SMYD3: variants seen among roughly 807,000 people sequenced by gnomAD.
SMYD3 encodes histone-lysine N-methyltransferase SMYD3.
SMYD3 carries 36 observed loss-of-function variants against 57.7 expected under a neutral mutation model. The ratio of observed to expected loss-of-function variants is 0.62; its 90% CI spans 0.48 to 0.82. SMYD3 has a LOEUF of 0.82. SMYD3 is among the 40% of genes least tolerant of loss of function. The pLI, the probability that SMYD3 is intolerant of heterozygous loss-of-function variation, is 0.00. For missense variants in SMYD3, 515 were observed against 538.8 expected, an observed-to-expected ratio of 0.96 and a Z score of 0.44; for synonymous variants, 211 against 195.0, an observed-to-expected ratio of 1.08 and a Z score of -0.68.
At chr1:245,920,085 GGTA>G (rs1558494678) in intron 7 of SMYD3, among the ~76,000 whole-genome samples, 5 of 152,074 alleles carry the variant, frequency 3.3e-5, no homozygotes, top group East Asian at 1.9e-4. Context: ...AGGCCAAGGC[GGTA>G]GGATCACGAG....
intron 7 of SMYD3, among the ~76,000 whole-genome samples, chr1:245,916,897 G>A (rs968123626): frequency 1.3e-5 from 2 of 152,154 alleles, no homozygotes; most frequent in African/African-American, 4.8e-5. Flanking sequence ...TATGGTCCCC[G>A]CATTGGTGCC....
intron 5 of SMYD3, among the ~76,000 whole-genome samples, chr1:246,297,265 T>C (rs183744974): frequency 1.3e-5 from 2 of 152,302 alleles, no homozygotes. Flanking sequence ...CAGAGGTATC[T>C]TCAAAGTCAT....
intron 10 of SMYD3, among the ~76,000 whole-genome samples, chr1:245,842,740 G>T (rs113602595): frequency 1.3e-3 from 196 of 152,126 alleles, no homozygotes; most frequent in African/African-American, 4.6e-3. Flanking sequence ...ATGGGGTCTT[G>T]TTCTGTTGCC....
chr1:246,232,390 A>G (rs904418579), intron 5 of SMYD3, among the ~76,000 whole-genome samples: 2 of 152,070 alleles, frequency 1.3e-5, no homozygotes, highest in African/African-American at 2.4e-5. Flanking sequence ...GGTGGGAAAC[A>G]GTGGCTGCTC....
At chr1:245,871,216 A>C (rs1306266410) in intron 8 of SMYD3, among the ~76,000 whole-genome samples, 1 of 152,238 alleles carries the variant, frequency 6.6e-6, no homozygotes, top group Non-Finnish European at 1.5e-5. Flanking sequence ...TCTTGAAATT[A>C]AAAATTCTGA....
At chr1:246,185,293 A>T (rs942048356) in intron 5 of SMYD3, among the ~76,000 whole-genome samples, 1 of 151,778 alleles carries the variant, frequency 6.6e-6, no homozygotes, top group Admixed American at 6.6e-5. Context: ...GCTGGAGTGC[A>T]GTGGCGCGAT....
chr1:246,276,759 C>G (rs1184887025), intron 5 of SMYD3, among the ~76,000 whole-genome samples: 3 of 129,180 alleles, frequency 2.3e-5, no homozygotes, highest in Non-Finnish European at 5.0e-5. Flanking sequence ...TGAATACTAA[C>G]TCTGTTTTTT....
chr1:246,311,771 A>C (rs2065084333), intron 5 of SMYD3, among the ~76,000 whole-genome samples: 2 of 152,268 alleles, frequency 1.3e-5, no homozygotes, highest in African/African-American at 4.8e-5. Flanking sequence ...ATTGGTTCAA[A>C]AATACCCAGC....
chr1:245,993,626 A>C (rs2058858050), intron 5 of SMYD3, among the ~76,000 whole-genome samples: 1 of 138,660 alleles, frequency 7.2e-6, no homozygotes. Flanking sequence ...AGATAGATAG[A>C]TAGATAGACA....
chr1:246,136,619 GAGAACAT>G (rs1322362573), intron 5 of SMYD3, among the ~76,000 whole-genome samples: 1 of 152,148 alleles, frequency 6.6e-6, no homozygotes, highest in Non-Finnish European at 1.5e-5. Flanking sequence ...ACTGGGCAGG[GAGAACAT>G]AACAACCAGT....
chr1:246,384,456 T>C (rs930749536), intron 1 of SMYD3, among the ~76,000 whole-genome samples: 5 of 151,976 alleles, frequency 3.3e-5, no homozygotes, highest in African/African-American at 4.8e-5. Flanking sequence ...AGTGCAGTGG[T>C]GCCATCTCGG....
At chr1:246,008,080 C>A (rs1384183171) in intron 5 of SMYD3, among the ~76,000 whole-genome samples, 1 of 152,218 alleles carries the variant, frequency 6.6e-6, no homozygotes, top group Non-Finnish European at 1.5e-5. Context: ...AGACAGCCAT[C>A]TGGAGGAGGT....
At chr1:246,314,082 C>T (rs2065120914) in intron 5 of SMYD3, among the ~76,000 whole-genome samples, 1 of 152,156 alleles carries the variant, frequency 6.6e-6, no homozygotes, top group African/African-American at 2.4e-5. Context: ...AATCCACCCT[C>T]CTCCCACTCA....
At chr1:245,909,333 G>T (rs1430350775) in intron 8 of SMYD3, among the ~76,000 whole-genome samples, 2 of 152,102 alleles carry the variant, frequency 1.3e-5, no homozygotes, top group African/African-American at 4.8e-5. Context: ...TCAAAGAAAA[G>T]CCTAGGACCT....
chr1:246,159,597 G>A (rs1363878248), intron 5 of SMYD3, among the ~76,000 whole-genome samples: 1 of 152,132 alleles, frequency 6.6e-6, no homozygotes, highest in East Asian at 1.9e-4. Context: ...TTAGCAGGAA[G>A]AAAGCAAGAA....
chr1:245,983,996 C>CT (rs1232217643), intron 5 of SMYD3, among the ~76,000 whole-genome samples: 2 of 144,622 alleles, frequency 1.4e-5, no homozygotes, highest in African/African-American at 5.1e-5. Context: ...ATCAAGTCTA[C>CT]TCTTTTTTTT....
intron 5 of SMYD3, among the ~76,000 whole-genome samples, chr1:245,949,670 G>A (rs1219780537): frequency 7.9e-5 from 12 of 152,214 alleles, no homozygotes; most frequent in Admixed American, 3.9e-4. Flanking sequence ...TTAGCCAGGC[G>A]TGGTGGCACA....
intron 5 of SMYD3, among the ~76,000 whole-genome samples, chr1:245,937,001 C>T (rs920655249): frequency 2.6e-5 from 4 of 152,078 alleles, no homozygotes; most frequent in Non-Finnish European, 5.9e-5. Flanking sequence ...CTTTGTAATA[C>T]AAGTCAAGTA....
intron 5 of SMYD3, among the ~76,000 whole-genome samples, chr1:246,027,791 G>A (rs555628730): frequency 9.2e-5 from 14 of 152,290 alleles, no homozygotes; most frequent in Non-Finnish European, 1.8e-4. Context: ...CAACTTTCAA[G>A]TCTTATTATT....
Sources: allele counts gnomAD v4.1 joint callset (sites outside exome capture counted in the v4.1 genomes callset), GRCh38; gene constraint gnomAD v4.1.1; transcripts MANE v1.5; gene names NCBI Gene and HGNC (gene_info 2026-07-23, HGNC 2026-07-21).